The following TOM1 variants were observed in gnomAD, a reference collection of about 807,000 sequenced individuals.
TOM1 encodes target of myb1 membrane trafficking protein.
In TOM1, 38 loss-of-function variants were observed where a neutral mutation model predicts 61.3. That is an observed-to-expected ratio of 0.62 (90% CI 0.48 to 0.81). The LOEUF (loss-of-function observed/expected upper bound fraction) is 0.81, where lower values mean the gene tolerates loss of function less well. Ranked by LOEUF, TOM1 falls within the 40% of genes least tolerant of loss-of-function variation. The pLI, the probability that TOM1 is intolerant of heterozygous loss-of-function variation, is 0.00. For missense variants in TOM1, 591 were observed against 659.6 expected, an observed-to-expected ratio of 0.90 and a Z score of 1.14; for synonymous variants, 270 against 268.8, an observed-to-expected ratio of 1.00 and a Z score of -0.04.
intron 2 of TOM1, among the ~76,000 whole-genome samples, chr22:35,319,634 G>A (rs890115379): frequency 4.6e-5 from 7 of 152,190 alleles, no homozygotes; most frequent in Non-Finnish European, 8.8e-5. Context: ...GCGCATGGCG[G>A]AACATGCCAG....
chr22:35,337,957 TCTC>T (rs1311408408), intron 11 of TOM1, among the ~76,000 whole-genome samples: 1 of 152,166 alleles, frequency 6.6e-6, no homozygotes. Flanking sequence ...CATAGCCGCC[TCTC>T]CTCCTTAGCC....
intron 1 of TOM1, among the ~76,000 whole-genome samples, chr22:35,310,267 G>A (rs1019782379): frequency 2.0e-5 from 3 of 152,188 alleles, no homozygotes; most frequent in Non-Finnish European, 4.4e-5. Flanking sequence ...CTTTTTAAAA[G>A]TATTCAAAGG....
At position 35,347,238 on chromosome 22, in the gene TOM1, G is replaced by A; in HGVS notation, c.*29G>A. On this transcript the variant is annotated 3_prime_UTR_variant, in exon 15 of 15. Transcript: ENST00000449058. The stretch of plus-strand genomic sequence containing the variant: ...TGGGGTCTGGCACCCTGCAGCCCAG[G>A]TCCCCACTGCTCTCACACCCTTAGG... The A allele has an allele frequency of 1.9e-6, 3 of 1,569,828 alleles. No homozygotes were observed. Among genetic ancestry groups the A allele is most frequent in the Non-Finnish European group, 2.6e-6 (3 of 1,155,360 alleles).
At chr22:35,334,213 C>G (rs551638386) in intron 10 of TOM1, 115 bp from the exon 11 acceptor site, 4 of 1,428,178 alleles carry the variant, frequency 2.8e-6, no homozygotes, top group Admixed American at 4.6e-5. Flanking sequence ...CATTCCCCCA[C>G]CCACACGTGC....
chr22:35,342,176 G>A (rs961655735), intron 12 of TOM1, among the ~76,000 whole-genome samples: 4 of 152,072 alleles, frequency 2.6e-5, no homozygotes, highest in South Asian at 4.1e-4. Context: ...CCAATTGTGC[G>A]CAGCCCAGGT....
chr22:35,313,515 T>C (rs528342094), intron 1 of TOM1, among the ~76,000 whole-genome samples: 2 of 152,322 alleles, frequency 1.3e-5, no homozygotes, highest in South Asian at 2.1e-4. Context: ...ACTGACATTG[T>C]CTGGCTGCAA....
intron 6 of TOM1, among the ~76,000 whole-genome samples, chr22:35,325,011 G>T (rs561818238): frequency 6.6e-6 from 1 of 152,322 alleles, no homozygotes; most frequent in Admixed American, 6.5e-5. Flanking sequence ...GGAGTGCCAT[G>T]GCTGCTGTAT....
intron 2 of TOM1, among the ~76,000 whole-genome samples, chr22:35,320,511 G>C (rs1927678331): frequency 1.3e-5 from 2 of 151,958 alleles, no homozygotes; most frequent in Admixed American, 6.6e-5. Context: ...CCTCCTCTTA[G>C]TTCCTCCAAG....
chr22:35,324,019 C>A, intron 6 of TOM1, 105 bp downstream of exon 6: 1 of 1,374,234 alleles, frequency 7.3e-7, no homozygotes, highest in Non-Finnish European at 9.8e-7. Context: ...TCCACTTCTT[C>A]CTCACAGCAG....
chr22:35,304,470 T>C (rs993842644), intron 1 of TOM1, among the ~76,000 whole-genome samples: 1 of 151,994 alleles, frequency 6.6e-6, no homozygotes, highest in African/African-American at 2.4e-5. Context: ...ACTGGATCTG[T>C]TTTGTTTTTT....
intron 1 of TOM1, chr22:35,311,002 T>C (rs1926769622): frequency 6.6e-6 from 1 of 152,324 alleles, no homozygotes; most frequent in Non-Finnish European, 1.5e-5. Context: ...TGACCTTTGA[T>C]CTGGGCTTAG....
chr22:35,316,794 T>A (rs910002142), intron 1 of TOM1, among the ~76,000 whole-genome samples: 3 of 152,222 alleles, frequency 2.0e-5, no homozygotes, highest in African/African-American at 4.8e-5. Context: ...CAACTTTTTT[T>A]AAAAAGAACC....
At chr22:35,321,242 A>G (rs1167102815) in intron 2 of TOM1, among the ~76,000 whole-genome samples, 1 of 152,100 alleles carries the variant, frequency 6.6e-6, no homozygotes, top group Non-Finnish European at 1.5e-5. Context: ...TTGAGCATGC[A>G]TAAGAAACCC....
At position 35,316,837 on chromosome 22, in the gene TOM1, G is replaced by A. The variant is rs189432551; in HGVS notation, c.53-1040G>A. On this transcript the variant is annotated intron_variant, in intron 1 of 14. Transcript: ENST00000449058. ...CTTGCTGAGTGTTTATTTTGGGCCCGTACCGTGCTGATACCTTGCCGTGCT... is the reference window on the plus strand; with the variant it reads ...CTTGCTGAGTGTTTATTTTGGGCCCATACCGTGCTGATACCTTGCCGTGCT... Among the ~76,000 whole-genome samples the A allele has an allele frequency of 3.2e-4, 49 of 152,222 alleles. No individual in the cohort carries two copies. In the South Asian group the frequency reaches 6.0e-3, roughly 19 times the overall value.
intron 12 of TOM1, chr22:35,344,842 C>T (rs1301989717): frequency 6.6e-6 from 1 of 152,310 alleles, no homozygotes; most frequent in Non-Finnish European, 1.5e-5. Flanking sequence ...AAGCTTTTGA[C>T]ATCCCATTTC....
chr22:35,304,624 A>G (rs4464), intron 1 of TOM1, among the ~76,000 whole-genome samples: 97,483 of 151,574 alleles, frequency 0.64, 32,322 homozygotes, highest in East Asian at 0.79. Flanking sequence ...GACTACAGGC[A>G]CCCGCCACCA....
At chr22:35,302,445 C>T (rs557576392) in intron 1 of TOM1, among the ~76,000 whole-genome samples, 5 of 94,472 alleles carry the variant, frequency 5.3e-5, no homozygotes, top group Non-Finnish European at 8.7e-5. Flanking sequence ...AAGCGATTCT[C>T]CTGCCTCAGC....
Position 35,330,407 on chromosome 22 carries a change from G to A in TOM1, c.826G>A (p.Ala276Thr), listed in dbSNP as rs770654000. ...QRVLELIPQI[A>T]NEQLTEELLI... The stretch of plus-strand genomic sequence containing the variant: ...GGTCCTGGAGCTCATCCCTCAGATC[G>A]CCAATGAGCAGCTGACAGAGGAGCT... Residue 276 changes from alanine to threonine, a missense_variant, in exon 8 of 15, where the codon GCC becomes ACC. By Grantham distance (58) the Ala-to-Thr change is moderately conservative. Coordinates refer to ENST00000449058, the MANE Select transcript of TOM1 (RefSeq NM_005488.3). 61 of 1,613,118 alleles carry A rather than the reference G, an allele frequency of 3.8e-5. No homozygotes were observed. Among genetic ancestry groups the A allele is most frequent in the Non-Finnish European group, 4.8e-5 (57 of 1,179,798 alleles).
chr22:35,328,211 A>G (rs1424311926), intron 7 of TOM1, among the ~76,000 whole-genome samples: 3 of 152,170 alleles, frequency 2.0e-5, no homozygotes, highest in African/African-American at 4.8e-5. Flanking sequence ...GAAAAGGAGT[A>G]GCCTCAGAGT....
Sources: allele counts gnomAD v4.1 joint callset (sites outside exome capture counted in the v4.1 genomes callset), GRCh38; gene constraint gnomAD v4.1.1; transcripts MANE v1.5; gene names NCBI Gene and HGNC (gene_info 2026-07-23, HGNC 2026-07-21).